Variants in USP43 observed in about 807,000 individuals in gnomAD.
USP43 encodes ubiquitin specific peptidase 43.
Under a neutral mutation model 90.7 loss-of-function variants are expected in USP43, and 33 were observed. That is an observed-to-expected ratio of 0.36 (90% CI 0.28 to 0.49). The LOEUF (loss-of-function observed/expected upper bound fraction) is 0.49. USP43 is among the 20% of genes least tolerant of loss of function. The probability of loss-of-function intolerance (pLI) is 0.98; values close to 1 mark genes in which losing one functional copy is unlikely to be tolerated. For missense variants in USP43, 1,274 were observed against 1,476.4 expected (o/e 0.86, Z 2.25); for synonymous variants, 598 against 615.8 (o/e 0.97, Z 0.43).
chr17:9,696,744 G>A (rs956717966), intron 9 of USP43, among the ~76,000 whole-genome samples: 13 of 152,164 alleles, frequency 8.5e-5, no homozygotes, highest in African/African-American at 2.2e-4. Flanking sequence ...CAGTGCCCAC[G>A]GGATAAAGTC....
At chr17:9,667,647 T>G (rs1318063757) in intron 3 of USP43, among the ~76,000 whole-genome samples, 1 of 152,046 alleles carries the variant, frequency 6.6e-6, no homozygotes, top group Non-Finnish European at 1.5e-5. Flanking sequence ...GAAGTACGAA[T>G]GGGTAGGAAG....
chr17:9,677,124 A>C (rs748847078), intron 5 of USP43, among the ~76,000 whole-genome samples: 1 of 152,202 alleles, frequency 6.6e-6, no homozygotes, highest in Admixed American at 6.5e-5. Flanking sequence ...TTATGATCAT[A>C]ATAATTCCAG....
At chr17:9,706,046 T>C (rs140263830) in intron 12 of USP43, among the ~76,000 whole-genome samples, 201 of 152,310 alleles carry the variant, frequency 1.3e-3, no homozygotes, top group Middle Eastern at 3.4e-3. Flanking sequence ...CATCTAATAG[T>C]AGGAAAATGG....
rs1305678820 is a variant in USP43 at position 9,724,994 on chromosome 17, G to A, written c.2336-2960G>A. Among the ~76,000 whole-genome samples the A allele has an allele frequency of 2.0e-5, 3 of 152,156 alleles. No homozygotes were observed. In the South Asian group the frequency reaches 6.2e-4, roughly 32 times the overall value. On this transcript the variant is annotated intron_variant, in intron 14 of 14. Coordinates refer to ENST00000285199, the MANE Select transcript of USP43 (RefSeq NM_153210.5). ...CCAGCCCTGTTCACAAAACACCTGA[G>A]TATGGATTGATGCATACTTCATTGG... is the stretch of plus-strand genomic sequence containing the variant.
At chr17:9,689,684 G>T (rs1005339211) in intron 8 of USP43, among the ~76,000 whole-genome samples, 5 of 152,264 alleles carry the variant, frequency 3.3e-5, no homozygotes, top group Non-Finnish European at 7.4e-5. Context: ...GAAGTGCTGG[G>T]ATTACAGGCA....
intron 1 of USP43, among the ~76,000 whole-genome samples, chr17:9,655,084 G>GAAAA (rs57985388): frequency 1.1e-4 from 4 of 37,322 alleles, no homozygotes; most frequent in African/African-American, 1.3e-4. Context: ...AGAAAGAAAG[G>GAAAA]AAAAAAAAAA....
intron 6 of USP43, among the ~76,000 whole-genome samples, chr17:9,681,195 TATACTATATAATATATAC>T: frequency 2.9e-5 from 3 of 101,958 alleles, no homozygotes; most frequent in African/African-American, 1.3e-4. Flanking sequence ...CTATATAATA[TATACTATATAATATATAC>T]ATTATATAGA....
chr17:9,663,460 G>C (rs151261107), intron 2 of USP43, among the ~76,000 whole-genome samples: 2,798 of 151,940 alleles, frequency 0.018, 43 homozygotes, highest in Admixed American at 0.038. Context: ...ACCATGCCTG[G>C]CTAATTTATG....
At chr17:9,696,802 C>T (rs912641553) in intron 9 of USP43, among the ~76,000 whole-genome samples, 2 of 152,242 alleles carry the variant, frequency 1.3e-5, no homozygotes, top group Non-Finnish European at 2.9e-5. Context: ...CCATGTGGCC[C>T]GTCCCTCACT....
chr17:9,651,070 A>C (rs1228160200), intron 1 of USP43, among the ~76,000 whole-genome samples: 1 of 152,182 alleles, frequency 6.6e-6, no homozygotes, highest in Admixed American at 6.5e-5. Context: ...CTAAACTTGC[A>C]AAAATAGTTT....
chr17:9,714,525 CA>C (rs35012232), intron 14 of USP43, among the ~76,000 whole-genome samples: 1 of 150,788 alleles, frequency 6.6e-6, no homozygotes, highest in Non-Finnish European at 1.5e-5. Context: ...ACTAAAAATA[CA>C]AAAAAAATTA....
intron 1 of USP43, among the ~76,000 whole-genome samples, chr17:9,653,346 G>A (rs1343634326): frequency 6.7e-6 from 1 of 149,444 alleles, no homozygotes; most frequent in South Asian, 2.1e-4. Context: ...CCAGCACTTT[G>A]GGAGGCCGAG....
chr17:9,719,204 G>A (rs77160836), intron 14 of USP43, among the ~76,000 whole-genome samples: 7,577 of 152,272 alleles, frequency 0.05, 300 homozygotes, highest in East Asian at 0.21. Context: ...CCTATGATAA[G>A]CTCAAAAGTT....
Position 9,729,091 on chromosome 17 carries a change from T to C in USP43, c.*101T>C. 3.9e-6 allele frequency: 5 copies of C among 1,267,846 alleles called. No homozygotes were observed. The highest frequency in any genetic ancestry group is 5.2e-6 in the Non-Finnish European group (5 of 967,156). The allele number at this position is 1,267,846 out of a possible 1,614,324, so 78.5% of individuals were successfully genotyped here. On this transcript the variant is annotated 3_prime_UTR_variant, in exon 15 of 15. Transcript: ENST00000285199. ...ATGGGTTTCCAGGAAACCCGTTGTC[T>C]TGTAATCTCTAAAAAAAAATTTTTT... is the stretch of plus-strand genomic sequence containing the variant.
chr17:9,655,889 C>T (rs1912205982), intron 1 of USP43, among the ~76,000 whole-genome samples: 2 of 152,294 alleles, frequency 1.3e-5, no homozygotes, highest in African/African-American at 4.8e-5. Context: ...AGGAAATCAA[C>T]TTCACTGCAA....
intron 2 of USP43, among the ~76,000 whole-genome samples, chr17:9,660,696 G>A (rs1013309071): frequency 3.3e-5 from 5 of 152,200 alleles, no homozygotes; most frequent in African/African-American, 9.6e-5. Flanking sequence ...CCCTGGCCTT[G>A]ATCTCTCCAG....
At chr17:9,688,853 A>G (rs1016050874) in intron 8 of USP43, among the ~76,000 whole-genome samples, 1 of 151,848 alleles carries the variant, frequency 6.6e-6, no homozygotes, top group African/African-American at 2.4e-5. Flanking sequence ...TACCCAGCTA[A>G]CTTTTTTTTG....
At chr17:9,715,889 CTG>C (rs1169998654) in intron 14 of USP43, among the ~76,000 whole-genome samples, 2 of 145,776 alleles carry the variant, frequency 1.4e-5, no homozygotes, top group African/African-American at 2.6e-5. Context: ...GTGTGTGTCT[CTG>C]TGTGTCTATG....
chr17:9,651,825 G>A (rs572285618), intron 1 of USP43, among the ~76,000 whole-genome samples: 1 of 152,042 alleles, frequency 6.6e-6, no homozygotes, highest in East Asian at 1.9e-4. Flanking sequence ...AATGGAAATG[G>A]AGTAAAAAAT....
Sources: allele counts gnomAD v4.1 joint callset (sites outside exome capture counted in the v4.1 genomes callset), GRCh38; gene constraint gnomAD v4.1.1; transcripts MANE v1.5; gene names NCBI Gene and HGNC (gene_info 2026-07-23, HGNC 2026-07-21).